ZNF747: variants seen among roughly 807,000 people sequenced by gnomAD.
ZNF747 encodes the protein zinc finger protein 747.
Under a neutral mutation model 13.4 loss-of-function variants are expected in ZNF747, and 14 were observed. That is an observed-to-expected ratio of 1.04 (90% CI 0.69 to 1.63). The LOEUF (loss-of-function observed/expected upper bound fraction) is 1.63. Among genes scored for constraint, ZNF747 ranks in the 40% most tolerant of loss-of-function variants. The pLI, the probability that ZNF747 is intolerant of heterozygous loss-of-function variation, is 0.00. For synonymous variants in ZNF747, 212 were observed against 206.5 expected (o/e 1.03, Z -0.23); for missense variants, 532 against 477.9 (o/e 1.11, Z -1.05).
chr16:30,534,028 C>T (rs1015860599), intron 2 of ZNF747, among the ~76,000 whole-genome samples, 169 bp downstream of exon 2: 5 of 152,220 alleles, frequency 3.3e-5, no homozygotes, highest in African/African-American at 9.6e-5. Flanking sequence ...CCATCACAGC[C>T]CCTTTCTAGG....
Position 30,532,797 on chromosome 16 carries a change from C to G in ZNF747, c.698G>C (p.Arg233Pro). 1 of 1,561,754 alleles carries G rather than the reference C, an allele frequency of 6.4e-7. No individual in the cohort carries two copies. Among genetic ancestry groups the G allele is most frequent in the South Asian group, 1.2e-5 (1 of 85,716 alleles). ...GGGACAGCGGTGGGGCCGCTCCCCA[C>G]GATGGATGGCCCGGTGTTTGCTCAG... is the stretch of plus-strand genomic sequence containing the variant. ...SSLSKHRAIH[R>P]GERPHRCPEC... is the part of the protein sequence containing the mutation. Residue 233 changes from arginine to proline, a missense_variant, in exon 3 of 3, where the codon CGT (arginine) becomes CCT (proline). Coordinates refer to ENST00000693075, the MANE Select transcript of ZNF747 (RefSeq NM_001305018.2).
rs752589192 is a variant in ZNF747, at chr16:30,534,222, C to T, written c.318G>A (p.Ala106=). Residue 106 remains alanine, a synonymous_variant, in exon 2 of 3, where the codon GCG becomes GCA. Coordinates refer to ENST00000693075, the MANE Select transcript of ZNF747 (RefSeq NM_001305018.2). ...CTGGGTCCGCTTCTGTCGGACACTT[C>T]GCCACCTCCGGATCCTGGGCAGCCG... The part of the protein sequence containing the change: ...WDPAAQDPEV[A]KCPTEADPAD... 1.2e-6 allele frequency: 2 copies of T among 1,609,008 alleles called. No homozygotes were observed. Among genetic ancestry groups the T allele is most frequent in the Admixed American group, 1.7e-5 (1 of 59,712 alleles).
chr16:30,533,640 G>A lies in ZNF747; in HGVS notation c.344-489C>T, dbSNP rs144376747. Among the ~76,000 whole-genome samples the A allele has an allele frequency of 2.0e-5, 3 of 152,018 alleles. No individual in the cohort carries two copies. The East Asian group carries it at 5.8e-4, about 29-fold the overall frequency. On this transcript the variant is annotated intron_variant, in intron 2 of 2. Coordinates refer to ENST00000693075, the MANE Select transcript of ZNF747 (RefSeq NM_001305018.2). ...CAGAACCTAGAGGCCGGGTGCAGTG[G>A]CTCATGCCTGTAATCCCAGTGCTTT...
intron 1 of ZNF747, 52 bp downstream of exon 1, chr16:30,534,399 G>C (rs1288388256): frequency 6.4e-7 from 1 of 1,557,256 alleles, no homozygotes; most frequent in Admixed American, 1.9e-5. Flanking sequence ...TCCCAGAGGC[G>C]CGGCAGGGCC....
At chr16:30,533,829 G>A (rs920940402) in intron 2 of ZNF747, among the ~76,000 whole-genome samples, 1 of 151,956 alleles carries the variant, frequency 6.6e-6, no homozygotes, top group Non-Finnish European at 1.5e-5. Context: ...GCCCACGCGG[G>A]AGGATTGGTT....
In ZNF747 at chr16:30,532,797, C is replaced by A; in HGVS notation, c.698G>T (p.Arg233Leu). 6.4e-7 allele frequency: 1 copy of A among 1,561,754 alleles called. No homozygotes were observed. The highest frequency in any genetic ancestry group is 8.7e-7 in the Non-Finnish European group (1 of 1,155,752). Residue 233 changes from arginine to leucine, a missense_variant, in exon 3 of 3, where the codon CGT (arginine) becomes CTT (leucine). By Grantham distance (102) the Arg-to-Leu change is moderately radical. Coordinates refer to ENST00000693075, the MANE Select transcript of ZNF747 (RefSeq NM_001305018.2). Reference sequence around the variant, plus strand: ...GGGACAGCGGTGGGGCCGCTCCCCACGATGGATGGCCCGGTGTTTGCTCAG... The same window carrying A: ...GGGACAGCGGTGGGGCCGCTCCCCAAGATGGATGGCCCGGTGTTTGCTCAG... ...SSLSKHRAIH[R>L]GERPHRCPEC...
In ZNF747 at chr16:30,532,460, G is replaced by A. The variant is rs757049070; in HGVS notation, c.*39C>T. 19 of 1,564,602 alleles carry A rather than the reference G, an allele frequency of 1.2e-5. No homozygotes were observed. The highest frequency in any genetic ancestry group is 1.5e-5 in the Non-Finnish European group (17 of 1,158,466). ...AGGTTCGGGCCCCTGAGCCCATCTC[G>A]GGCCGCCCACAATGTCTAGATGGTC... On this transcript the variant is annotated 3_prime_UTR_variant, in exon 3 of 3. Coordinates refer to ENST00000693075, the MANE Select transcript of ZNF747 (RefSeq NM_001305018.2).
At chr16:30,534,409 C>G in intron 1 of ZNF747, 42 bp downstream of exon 1, 1 of 1,560,164 alleles carries the variant, frequency 6.4e-7, no homozygotes, top group Non-Finnish European at 8.7e-7. Flanking sequence ...GCGGCAGGGC[C>G]TGTGGAGGCG....
Position 30,532,552 on chromosome 16 carries a change from C to G in ZNF747, c.943G>C (p.Asp315His). 6.3e-7 allele frequency: 1 copy of G among 1,591,698 alleles called. No homozygotes were observed. The highest frequency in any genetic ancestry group is 8.5e-7 in the Non-Finnish European group (1 of 1,171,222). The change falls in exon 3 of 3, where the codon GAC becomes CAC. Residue 315 changes from aspartate to histidine, a missense_variant. By Grantham distance (81) the Asp-to-His change is moderately conservative. Transcript: ENST00000693075. ...TACAGCTGGAAGCCCACAGGCGGGTCCAGGTCCCCGCGGACAGGAGTCAGG... is the reference window on the plus strand; with the variant it reads ...TACAGCTGGAAGCCCACAGGCGGGTGCAGGTCCCCGCGGACAGGAGTCAGG... Reference protein sequence around the residue: ...VTLTPVRGDLDPPVGFQLYPE... With the variant: ...VTLTPVRGDLHPPVGFQLYPE...
rs2051378403 is a variant in ZNF747 at position 30,531,762 on chromosome 16, C to A, written c.*737G>T. 1 of 152,326 alleles carries A rather than the reference C, an allele frequency of 6.6e-6. No homozygotes were observed. The highest frequency in any genetic ancestry group is 2.1e-4 in the South Asian group (1 of 4,832). The allele number at this position is 152,326 out of a possible 1,614,324, so 9.4% of individuals were successfully genotyped here. On this transcript the variant is annotated 3_prime_UTR_variant, in exon 3 of 3. Transcript: ENST00000693075. ...CCCAGTTCACACCACTGCATTCCAG[C>A]CTGGGTGAGGAGCAAGATGCTGTCT... is the stretch of plus-strand genomic sequence containing the variant.
At position 30,532,651 on chromosome 16, in the gene ZNF747, C is replaced by A. The variant is rs539015548; in HGVS notation, c.844G>T (p.Ala282Ser). The change falls in exon 3 of 3, where the codon GCC becomes TCC. Residue 282 changes from alanine (A) to serine (S), a missense_variant. Physicochemically the swap from Ala to Ser is moderately conservative, Grantham distance 99. Coordinates refer to ENST00000693075, the MANE Select transcript of ZNF747 (RefSeq NM_001305018.2). Reference sequence around the variant, plus strand: ...GGCCGATGGACCCATTGGTGCTTGGCCATGCCGGTCTTCAGGCCGAAGCAG... The same window carrying A: ...GGCCGATGGACCCATTGGTGCTTGGACATGCCGGTCTTCAGGCCGAAGCAG... ...GRCFGLKTGM[A>S]KHQWVHRPGG... is the part of the protein sequence containing the mutation. 1 of 1,540,112 alleles carries A rather than the reference C, an allele frequency of 6.5e-7. No individual in the cohort carries two copies. Among genetic ancestry groups the A allele is most frequent in the Admixed American group, 2.0e-5 (1 of 51,070 alleles).
Position 30,532,675 on chromosome 16 carries a change from AGCGGCCACACT to A in ZNF747, c.809_819del (p.Gln270LeufsTer23), listed in dbSNP as rs2051393538. The A allele has an allele frequency of 1.9e-6, 3 of 1,538,926 alleles. No homozygotes were observed. The highest frequency in any genetic ancestry group is 2.6e-6 in the Non-Finnish European group (3 of 1,146,864). ...GCCATGCCGGTCTTCAGGCCGAAGC[AGCGGCCACACT>A]GCGGGCAGCGGTAGGGCTTCTCGCC... On this transcript the variant is annotated frameshift_variant, in exon 3 of 3. Transcript: ENST00000693075. LOFTEE classifies it low-confidence loss of function (END_TRUNC).
Position 30,530,649 on chromosome 16 carries a change from T to C in ZNF747, c.*1850A>G, listed in dbSNP as rs1196237049. 5.3e-5 allele frequency: 8 copies of C among 152,136 alleles called. No individual in the cohort carries two copies. Among genetic ancestry groups the C allele is most frequent in the Non-Finnish European group, 8.8e-5 (6 of 68,028 alleles). 9.4% of individuals were successfully genotyped at this position (152,136 alleles called of 1,614,324 possible). On this transcript the variant is annotated 3_prime_UTR_variant, in exon 3 of 3. Coordinates refer to ENST00000693075, the MANE Select transcript of ZNF747 (RefSeq NM_001305018.2). This position sits in a 1 kb window ranked among gnomAD's most constrained non-coding sequence, Gnocchi z 4.4. ...AGAGAGAGACCACGGTGGGATTGGATTGGAGATGAGGTTCGAATAAAGTCA... is the reference window on the plus strand; with the variant it reads ...AGAGAGAGACCACGGTGGGATTGGACTGGAGATGAGGTTCGAATAAAGTCA...
In ZNF747 at chr16:30,532,621, C is replaced by T. The variant is rs2051392095; in HGVS notation, c.874G>A (p.Gly292Ser). 6.5e-7 allele frequency: 1 copy of T among 1,546,316 alleles called. No individual in the cohort carries two copies. Among genetic ancestry groups the T allele is most frequent in the Non-Finnish European group, 8.7e-7 (1 of 1,149,642 alleles). Residue 292 changes from glycine to serine, a missense_variant, in exon 3 of 3, where the codon GGC becomes AGC. Gly to Ser is a moderately conservative substitution (Grantham distance 56). Coordinates refer to ENST00000693075, the MANE Select transcript of ZNF747 (RefSeq NM_001305018.2). Reference sequence around the variant, plus strand: ...GGGCGCCGGCCCCTACGCCCCTCGCCCCCGGGCCGATGGACCCATTGGTGC... The same window carrying T: ...GGGCGCCGGCCCCTACGCCCCTCGCTCCCGGGCCGATGGACCCATTGGTGC... ...AKHQWVHRPG[G>S]EGRRGRRPGG...
At position 30,534,593 on chromosome 16, in the gene ZNF747, G is replaced by C. The variant is rs770053150; in HGVS notation, c.87C>G (p.Ser29=). 4.4e-6 allele frequency: 7 copies of C among 1,601,176 alleles called. No individual in the cohort carries two copies. In the Admixed American group the frequency reaches 8.5e-5, roughly 19 times the overall value. The change falls in exon 1 of 3, where the codon TCC becomes TCG. Residue 29 remains serine, a synonymous_variant. Transcript: ENST00000693075. ...LPPRDPNGAG[S]EWRKPGAVSF... The stretch of plus-strand genomic sequence containing the variant: ...TCACGGCCCCGGGCTTTCTCCACTC[G>C]GATCCCGCCCCGTTTGGGTCCCGGG...
chr16:30,532,728 T>C lies in ZNF747; in HGVS notation c.767A>G (p.His256Arg). Residue 256 changes from histidine (H) to arginine (R), a missense_variant, in exon 3 of 3, where the codon CAC becomes CGC. By Grantham distance (29) the His-to-Arg change is conservative. Transcript: ENST00000693075. ...AFMRRTALTS[H>R]LRVHTGEKPY... is the part of the protein sequence containing the mutation. ...CTTCTCGCCAGTGTGAACGCGCAGG[T>C]GAGAAGTCAGCGCCGTGCGGCGCAT... 1 of 1,540,596 alleles carries C rather than the reference T, an allele frequency of 6.5e-7. No individual in the cohort carries two copies. The highest frequency in any genetic ancestry group is 8.7e-7 in the Non-Finnish European group (1 of 1,147,010).
Position 30,532,593 on chromosome 16 carries a change from C to G in ZNF747, c.902G>C (p.Gly301Ala). 1.3e-6 allele frequency: 2 copies of G among 1,565,814 alleles called. No homozygotes were observed. The highest frequency in any genetic ancestry group is 1.7e-6 in the Non-Finnish European group (2 of 1,158,972). ...AGGAGTCAGGGTCACAGACAGCCCC[C>G]CAGGGCGCCGGCCCCTACGCCCCTC... ...GGEGRRGRRP[G>A]GLSVTLTPVR... The change falls in exon 3 of 3, where the codon GGG (glycine) becomes GCG (alanine). Residue 301 changes from glycine to alanine, a missense_variant. Coordinates refer to ENST00000693075, the MANE Select transcript of ZNF747 (RefSeq NM_001305018.2).
chr16:30,532,169 AG>A lies in ZNF747; in HGVS notation c.*329del, dbSNP rs2051383905. 7.8e-6 allele frequency: 3 copies of A among 383,004 alleles called. No homozygotes were observed. The highest frequency in any genetic ancestry group is 1.4e-5 in the Non-Finnish European group (3 of 212,296). 23.7% of individuals were successfully genotyped at this position (383,004 alleles called of 1,614,324 possible). On this transcript the variant is annotated 3_prime_UTR_variant, in exon 3 of 3. Transcript: ENST00000693075. Reference sequence around the variant, plus strand: ...GTCTCAAAAAATTAAAAAAGTAAAAAGAAAAAGACAACAGAGAAAACAAGGT... The same window carrying A: ...GTCTCAAAAAATTAAAAAAGTAAAAAAAAAAGACAACAGAGAAAACAAGGT...
intron 2 of ZNF747, among the ~76,000 whole-genome samples, chr16:30,533,555 C>T (rs932252273): frequency 6.6e-6 from 1 of 151,810 alleles, no homozygotes; most frequent in Admixed American, 6.6e-5. Flanking sequence ...GATGTGGGGG[C>T]ATAGGAACCA....
Sources: gnomAD v4.1 joint callset for allele counts (sites outside exome capture counted in the v4.1 genomes callset) on GRCh38, gnomAD v4.1.1 for gene constraint, Gnocchi (gnomAD v3.1) non-coding constraint, MANE v1.5 for transcripts, NCBI Gene and HGNC (gene_info 2026-07-23, HGNC 2026-07-21) for gene names.